The following CBFA2T2 variants were observed in gnomAD, a reference collection of about 807,000 sequenced individuals.
CBFA2T2 encodes the protein protein CBFA2T2.
In CBFA2T2, 11 loss-of-function variants were observed where a neutral mutation model predicts 62.2. The ratio of observed to expected loss-of-function variants is 0.18; its 90% confidence interval spans 0.11 to 0.29. The LOEUF is 0.29. Among genes scored for constraint, CBFA2T2 ranks in the 10% least tolerant of loss-of-function variants. The pLI is 1.00. For synonymous variants in CBFA2T2, 295 were observed against 287.5 expected (o/e 1.03, Z -0.27); for missense variants, 592 against 774.1 (o/e 0.76, Z 2.79).
intron 7 of CBFA2T2, among the ~76,000 whole-genome samples, 183 bp downstream of exon 7, chr20:33,628,618 G>A (rs1376064650): frequency 6.6e-6 from 1 of 152,086 alleles, no homozygotes; most frequent in Non-Finnish European, 1.5e-5. Flanking sequence ...ACAGGTGTAC[G>A]CCACCGTGCC....
intron 1 of CBFA2T2, chr20:33,562,536 C>G (rs1389383446): frequency 1.3e-5 from 13 of 985,680 alleles, no homozygotes; most frequent in African/African-American, 1.7e-5. Flanking sequence ...ACATGTCCAG[C>G]TAATGAAAGG....
intron 1 of CBFA2T2, among the ~76,000 whole-genome samples, chr20:33,523,295 A>C (rs760134459): frequency 6.6e-6 from 1 of 151,782 alleles, no homozygotes; most frequent in Non-Finnish European, 1.5e-5. Flanking sequence ...TTTTTTTTAT[A>C]TTTTGAGACA....
At chr20:33,601,935 G>T (rs1438807476) in intron 1 of CBFA2T2, 1 of 152,110 alleles carries the variant, frequency 6.6e-6, no homozygotes, top group African/African-American at 2.4e-5. Context: ...CTAATGAGTA[G>T]CCGGGACCAC....
intron 1 of CBFA2T2, among the ~76,000 whole-genome samples, chr20:33,567,882 C>A (rs975286386): frequency 1.3e-5 from 2 of 152,218 alleles, no homozygotes; most frequent in Admixed American, 1.3e-4. Context: ...CCACGCCCAG[C>A]CTGTAAATTA....
At chr20:33,506,220 C>A (rs184854965) in intron 1 of CBFA2T2, among the ~76,000 whole-genome samples, 2 of 152,052 alleles carry the variant, frequency 1.3e-5, no homozygotes, top group African/African-American at 4.8e-5. Context: ...CCACACTGGG[C>A]CAACACAGAC....
intron 1 of CBFA2T2, among the ~76,000 whole-genome samples, chr20:33,597,707 G>A (rs1008881835): frequency 5.9e-5 from 9 of 152,228 alleles, no homozygotes; most frequent in Admixed American, 2.6e-4. Context: ...GCAATGGCAC[G>A]ATCTCAGCTC....
At chr20:33,579,118 T>TTTG (rs1019169565) in intron 1 of CBFA2T2, among the ~76,000 whole-genome samples, 2 of 150,670 alleles carry the variant, frequency 1.3e-5, no homozygotes, top group African/African-American at 4.9e-5. Context: ...TTTTTTTGTT[T>TTTG]TTTTTTTTTT....
At chr20:33,586,169 G>T (rs2014360600) in intron 1 of CBFA2T2, among the ~76,000 whole-genome samples, 1 of 152,084 alleles carries the variant, frequency 6.6e-6, no homozygotes, top group Non-Finnish European at 1.5e-5. Context: ...GGGTTTTCTT[G>T]TTTGTTTTTT....
intron 3 of CBFA2T2, 69 bp from the exon 4 acceptor site, chr20:33,619,445 AAAG>A (rs953408562): frequency 9.8e-5 from 74 of 751,758 alleles, no homozygotes; most frequent in South Asian, 3.5e-4. Context: ...AAAAAAAAAA[AAAG>A]AAGAGTTTGG....
intron 1 of CBFA2T2, among the ~76,000 whole-genome samples, chr20:33,572,572 A>G (rs1424238066): frequency 6.6e-6 from 1 of 152,270 alleles, no homozygotes; most frequent in African/African-American, 2.4e-5. Flanking sequence ...AATAACAATA[A>G]TGAAATAGTC....
Position 33,607,019 on chromosome 20 carries a change from G to A in CBFA2T2, c.98G>A (p.Arg33Lys). ...GSPVEVKIQS[R>K]SSPPTMPPLP... The stretch of plus-strand genomic sequence containing the variant: ...CCTGTGGAAGTGAAGATACAGTCCA[G>A]ATCCTCACCTCCCACCATGCCACCC... The change falls in exon 2 of 11, where the codon AGA becomes AAA. Residue 33 changes from arginine to lysine, a missense_variant. This residue lies in a region of CBFA2T2 where 449 missense variants were observed against 551.2 expected (regional missense o/e 0.81). Transcript: ENST00000342704. The A allele has an allele frequency of 6.2e-7, 1 of 1,613,936 alleles. No homozygotes were observed. The highest frequency in any genetic ancestry group is 8.5e-7 in the Non-Finnish European group (1 of 1,179,908).
At chr20:33,543,458 G>A (rs534244635) in intron 1 of CBFA2T2, among the ~76,000 whole-genome samples, 1 of 152,264 alleles carries the variant, frequency 6.6e-6, no homozygotes, top group African/African-American at 2.4e-5. Flanking sequence ...CGCAACATAG[G>A]ACCAAATGAA....
intron 9 of CBFA2T2, among the ~76,000 whole-genome samples, chr20:33,639,929 T>C (rs2016769848): frequency 6.6e-6 from 1 of 152,200 alleles, no homozygotes; most frequent in South Asian, 2.1e-4. Context: ...TAGTCTGGCA[T>C]GCAAGACTTT....
chr20:33,570,841 CA>C, intron 1 of CBFA2T2, among the ~76,000 whole-genome samples: 1 of 152,120 alleles, frequency 6.6e-6, no homozygotes, highest in Non-Finnish European at 1.5e-5. Flanking sequence ...GGGCTAATGC[CA>C]CAATGAAACT....
At chr20:33,555,972 C>G (rs373946159) in intron 1 of CBFA2T2, among the ~76,000 whole-genome samples, 1 of 152,192 alleles carries the variant, frequency 6.6e-6, no homozygotes, top group South Asian at 2.1e-4. Flanking sequence ...CTCAGGCAAT[C>G]CCCCAACCTC....
intron 1 of CBFA2T2, among the ~76,000 whole-genome samples, chr20:33,533,234 C>T (rs1383659008): frequency 6.6e-6 from 1 of 152,178 alleles, no homozygotes; most frequent in Non-Finnish European, 1.5e-5. Flanking sequence ...AGATAGTCAA[C>T]ATATCATTCA....
chr20:33,612,663 C>G (rs2015572050), intron 3 of CBFA2T2, among the ~76,000 whole-genome samples: 1 of 152,190 alleles, frequency 6.6e-6, no homozygotes, highest in Non-Finnish European at 1.5e-5. Flanking sequence ...ACACCTCAGT[C>G]TGAACCAATA....
chr20:33,495,645 C>T (rs1452325900), intron 1 of CBFA2T2, among the ~76,000 whole-genome samples: 1 of 151,982 alleles, frequency 6.6e-6, no homozygotes, highest in Non-Finnish European at 1.5e-5. Flanking sequence ...GTGCTGAGAT[C>T]GTGCCACTGC....
intron 1 of CBFA2T2, among the ~76,000 whole-genome samples, chr20:33,500,262 C>T (rs931739902): frequency 6.6e-6 from 1 of 152,056 alleles, no homozygotes; most frequent in Non-Finnish European, 1.5e-5. Flanking sequence ...GCCAAAAACC[C>T]ACTTTTTTTT....
Sources: allele counts gnomAD v4.1 joint callset (sites outside exome capture counted in the v4.1 genomes callset), GRCh38; gene constraint gnomAD v4.1.1; regional missense constraint gnomAD v4.1.1; transcripts MANE v1.5; gene names NCBI Gene and HGNC (gene_info 2026-07-23, HGNC 2026-07-21).